The following KAZN variants were observed in gnomAD, a reference collection of about 807,000 sequenced individuals.
KAZN encodes the protein kazrin.
In KAZN, 40 loss-of-function variants were observed where a neutral mutation model predicts 87.4. The ratio of observed to expected loss-of-function variants is 0.46; its 90% CI spans 0.36 to 0.60. The LOEUF (loss-of-function observed/expected upper bound fraction) is 0.60, where lower values mean the gene tolerates loss of function less well. Ranked by LOEUF, KAZN falls within the 20% of genes least tolerant of loss-of-function variation. The pLI, the probability that KAZN is intolerant of heterozygous loss-of-function variation, is 0.00. For synonymous variants in KAZN, 466 were observed against 458.3 expected, an observed-to-expected ratio of 1.02 and a Z score of -0.22; for missense variants, 898 against 1,073.9, an observed-to-expected ratio of 0.84 and a Z score of 2.29.
At chr1:14,140,902 G>A (rs1645221263) in intron 1 of KAZN, among the ~76,000 whole-genome samples, 1 of 152,140 alleles carries the variant, frequency 6.6e-6, no homozygotes, top group Admixed American at 6.5e-5. Flanking sequence ...AGGCGGCAGA[G>A]GAGAGATGAT....
At chr1:14,326,154 G>A (rs76247285) in intron 2 of KAZN, among the ~76,000 whole-genome samples, 3,012 of 152,122 alleles carry the variant, frequency 0.02, 93 homozygotes, top group African/African-American at 0.069. Flanking sequence ...ACTTAACAAA[G>A]TCAAAACTGA....
intron 2 of KAZN, among the ~76,000 whole-genome samples, chr1:14,566,251 T>C (rs1674541540): frequency 6.6e-6 from 1 of 152,256 alleles, no homozygotes. Context: ...ATCAAAGCTC[T>C]TGAATAGTTA....
At chr1:15,052,310 C>T (rs991721290) in intron 4 of KAZN, among the ~76,000 whole-genome samples, 1 of 152,108 alleles carries the variant, frequency 6.6e-6, no homozygotes, top group Non-Finnish European at 1.5e-5. Context: ...AGCAAAGGCA[C>T]GTCTTACATG....
chr1:14,535,403 C>T (rs1672434147), intron 2 of KAZN, among the ~76,000 whole-genome samples: 2 of 152,228 alleles, frequency 1.3e-5, no homozygotes, highest in South Asian at 2.1e-4. Flanking sequence ...GTGGTGGGCT[C>T]ACGCCTGTAA....
At chr1:14,497,271 G>C (rs1435431075) in intron 2 of KAZN, among the ~76,000 whole-genome samples, 2 of 132,628 alleles carry the variant, frequency 1.5e-5, no homozygotes, top group Non-Finnish European at 3.1e-5. Flanking sequence ...AGATATAAGA[G>C]AATGACTGTT....
At chr1:14,655,740 C>T (rs369560493) in intron 1 of KAZN, among the ~76,000 whole-genome samples, 3 of 152,114 alleles carry the variant, frequency 2.0e-5, no homozygotes, top group African/African-American at 4.8e-5. Context: ...TTGCATCTAC[C>T]GAATAATTCA....
At chr1:14,183,795 C>G (rs969345063) in intron 2 of KAZN, among the ~76,000 whole-genome samples, 1 of 152,098 alleles carries the variant, frequency 6.6e-6, no homozygotes, top group East Asian at 1.9e-4. Context: ...AGGAAGGTCC[C>G]CCTCTTGAAG....
chr1:14,926,511 A>G (rs1659187527), intron 1 of KAZN, among the ~76,000 whole-genome samples: 3 of 152,322 alleles, frequency 2.0e-5, no homozygotes, highest in Admixed American at 6.5e-5. Context: ...ATGAAACAAG[A>G]TCAGACCAGC....
chr1:14,673,912 C>T (rs1027255993), intron 1 of KAZN, among the ~76,000 whole-genome samples: 1 of 152,166 alleles, frequency 6.6e-6, no homozygotes, highest in African/African-American at 2.4e-5. Flanking sequence ...GTCAGATTCA[C>T]CACTGGACTT....
chr1:14,261,638 G>C (rs942593241), intron 2 of KAZN, among the ~76,000 whole-genome samples: 20 of 152,272 alleles, frequency 1.3e-4, no homozygotes, highest in African/African-American at 4.8e-4. Flanking sequence ...CTGACATTTG[G>C]GGGTGGAAGG....
intron 1 of KAZN, among the ~76,000 whole-genome samples, chr1:14,887,884 G>A (rs1454345652): frequency 6.6e-6 from 1 of 151,970 alleles, no homozygotes; most frequent in African/African-American, 2.4e-5. Flanking sequence ...CTCTCGTTAT[G>A]TTTCATTGTG....
At chr1:15,082,697 G>A (rs1424618194) in intron 8 of KAZN, among the ~76,000 whole-genome samples, 4 of 152,084 alleles carry the variant, frequency 2.6e-5, no homozygotes, top group Admixed American at 1.3e-4. Context: ...GTTTTTGTTT[G>A]TTTTGTTTTG....
chr1:14,165,796 T>C (rs1012570909), intron 1 of KAZN, among the ~76,000 whole-genome samples: 10 of 152,204 alleles, frequency 6.6e-5, no homozygotes, highest in Middle Eastern at 3.2e-3. Flanking sequence ...AATAGCTTCA[T>C]GTCTTAGGGG....
rs149670773 is a variant in KAZN, at chr1:14,985,016, G to A, written c.418+24141G>A. The stretch of plus-strand genomic sequence containing the variant: ...CCAGGCGTGGTGGTGCTCACCTGTA[G>A]TCCCAGCTACTCAGGAGGCTGAAGC... On this transcript the variant is annotated intron_variant, in intron 2 of 14. Coordinates refer to ENST00000376030, the MANE Select transcript of KAZN (RefSeq NM_201628.3). Among the ~76,000 whole-genome samples, 406 of 151,972 alleles carry A rather than the reference G, an allele frequency of 2.7e-3. 6 individuals are homozygous for A. Among genetic ancestry groups the A allele is most frequent in the African/African-American group, 9.6e-3 (397 of 41,448 alleles).
intron 1 of KAZN, among the ~76,000 whole-genome samples, chr1:13,901,022 G>T (rs1430813564): frequency 6.9e-6 from 1 of 145,864 alleles, no homozygotes; most frequent in African/African-American, 2.6e-5. Context: ...GTTGCTACTT[G>T]TTTTCCTTGG....
chr1:14,718,170 C>G (rs954600902), intron 1 of KAZN, among the ~76,000 whole-genome samples: 15 of 152,234 alleles, frequency 9.9e-5, no homozygotes, highest in African/African-American at 3.6e-4. Flanking sequence ...GCTCTCTCTT[C>G]CAGCTGTTTG....
intron 1 of KAZN, among the ~76,000 whole-genome samples, chr1:14,689,183 A>G (rs1193258349): frequency 6.6e-6 from 1 of 150,458 alleles, no homozygotes; most frequent in African/African-American, 2.5e-5. Flanking sequence ...CGACAGAGTC[A>G]GACTCTGTCT....
chr1:14,753,342 A>G (rs909912253), intron 1 of KAZN, among the ~76,000 whole-genome samples: 1 of 152,214 alleles, frequency 6.6e-6, no homozygotes, highest in African/African-American at 2.4e-5. Context: ...CAAATGAGAC[A>G]GTGACAAATG....
chr1:14,973,319 A>G (rs771001715), intron 2 of KAZN, among the ~76,000 whole-genome samples: 9 of 152,232 alleles, frequency 5.9e-5, no homozygotes, highest in Non-Finnish European at 1.3e-4. Flanking sequence ...TAACGCTCAA[A>G]ATCCTAAGGA....
Sources: allele counts gnomAD v4.1 joint callset (sites outside exome capture counted in the v4.1 genomes callset), GRCh38; gene constraint gnomAD v4.1.1; transcripts MANE v1.5; gene names NCBI Gene and HGNC (gene_info 2026-07-23, HGNC 2026-07-21).